Variants in ALG11 observed in about 807,000 individuals in gnomAD.
ALG11 encodes GDP-Man:Man(3)GlcNAc(2)-PP-Dol alpha-1,2-mannosyltransferase.
A neutral mutation model predicts 38.8 loss-of-function variants in ALG11; 26 were observed. That is an observed-to-expected ratio of 0.67 (90% CI 0.49 to 0.93). ALG11 has a LOEUF of 0.93. Among genes scored for constraint, ALG11 ranks in the 40% least tolerant of loss-of-function variants. The pLI is 0.00. For synonymous variants in ALG11, 199 were observed against 211.6 expected (o/e 0.94, Z 0.52); for missense variants, 535 against 578.8 (o/e 0.92, Z 0.78).
In ALG11 at chr13:52,019,097, G is replaced by A. The variant is rs1954161508; in HGVS notation, c.229G>A (p.Gly77Arg). The change falls in exon 2 of 4, where the codon GGA becomes AGA. Residue 77 changes from glycine to arginine, a missense_variant. Physicochemically the swap from Gly to Arg is moderately radical, Grantham distance 125. Coordinates refer to ENST00000521508, the MANE Select transcript of ALG11 (RefSeq NM_001004127.3). ...FFHPYCNAGG[G>R]GERVLWCALR... Reference sequence around the variant, plus strand: ...TCATCCATACTGCAATGCTGGTGGAGGAGGAGAAAGAGTTTTATGGTGTGC... The same window carrying A: ...TCATCCATACTGCAATGCTGGTGGAAGAGGAGAAAGAGTTTTATGGTGTGC... 5 of 1,614,062 alleles carry A rather than the reference G, an allele frequency of 3.1e-6. No individual in the cohort carries two copies. Among genetic ancestry groups the A allele is most frequent in the Non-Finnish European group, 4.2e-6 (5 of 1,179,978 alleles).
intron 3 of ALG11, among the ~76,000 whole-genome samples, chr13:52,026,566 C>A (rs1224402741): frequency 6.6e-6 from 1 of 152,136 alleles, no homozygotes; most frequent in Non-Finnish European, 1.5e-5. Context: ...GAGAAACATT[C>A]TGCAGTAGTA....
chr13:52,019,022 T>C lies in ALG11; in HGVS notation c.154T>C (p.Leu52=). Residue 52 remains leucine (L), a synonymous_variant, in exon 2 of 4, where the codon TTA becomes CTA. Coordinates refer to ENST00000521508, the MANE Select transcript of ALG11 (RefSeq NM_001004127.3). ...IRLLLQRKKK[L]VSTSKNGKNQ... ...ACTGCTGCTACAGAGAAAGAAAAAA[T>C]TAGTGTCAACTAGCAAAAATGGGAA... 1 of 1,613,916 alleles carries C rather than the reference T, an allele frequency of 6.2e-7. No homozygotes were observed. Among genetic ancestry groups the C allele is most frequent in the South Asian group, 1.1e-5 (1 of 91,068 alleles).
chr13:52,013,447 A>G (rs141367398), intron 1 of ALG11, among the ~76,000 whole-genome samples: 174 of 152,322 alleles, frequency 1.1e-3, no homozygotes, highest in African/African-American at 4.0e-3. Context: ...GTCATACGTA[A>G]TATTCCTCAG....
chr13:52,026,773 G>GTC (rs1479328421), intron 3 of ALG11, among the ~76,000 whole-genome samples: 1 of 152,186 alleles, frequency 6.6e-6, no homozygotes, highest in Non-Finnish European at 1.5e-5. Flanking sequence ...GTGAGGGCAT[G>GTC]CGTCCAGGAG....
At chr13:52,012,585 A>C in intron 1 of ALG11, 123 bp downstream of exon 1, 5 of 1,313,718 alleles carry the variant, frequency 3.8e-6, no homozygotes, top group Non-Finnish European at 5.4e-6. Flanking sequence ...GTAATTTCTC[A>C]GGCCAATGAG....
intron 2 of ALG11, chr13:52,020,817 G>A (rs890517448): frequency 1.3e-5 from 2 of 152,160 alleles, no homozygotes; most frequent in Admixed American, 1.3e-4. Flanking sequence ...AACACATCAT[G>A]CTCTCTCTCG....
intron 3 of ALG11, among the ~76,000 whole-genome samples, chr13:52,027,568 C>T (rs771344827): frequency 6.6e-6 from 1 of 152,106 alleles, no homozygotes; most frequent in Non-Finnish European, 1.5e-5. Context: ...TGAATCATTC[C>T]CTGAAGGGCT....
At chr13:52,026,842 A>G (rs1322453481) in intron 3 of ALG11, among the ~76,000 whole-genome samples, 1 of 152,200 alleles carries the variant, frequency 6.6e-6, no homozygotes, top group African/African-American at 2.4e-5. Flanking sequence ...ATAAAAAATG[A>G]GGATTGTCCT....
At chr13:52,019,954 A>T (rs1001366045) in intron 2 of ALG11, among the ~76,000 whole-genome samples, 1 of 152,194 alleles carries the variant, frequency 6.6e-6, no homozygotes, top group Non-Finnish European at 1.5e-5. Flanking sequence ...AAAGAAAGAA[A>T]TGGACAGTGG....
At chr13:52,013,218 A>G (rs933360284) in intron 1 of ALG11, among the ~76,000 whole-genome samples, 13 of 152,156 alleles carry the variant, frequency 8.5e-5, no homozygotes, top group African/African-American at 2.9e-4. Context: ...GGCCTAGTAT[A>G]TTCTACCTAC....
rs1441878602 is a variant in ALG11, at chr13:52,019,147, G to C, written c.275+4G>C. 4 of 1,591,284 alleles carry C rather than the reference G, an allele frequency of 2.5e-6. No homozygotes were observed. The highest frequency in any genetic ancestry group is 3.4e-6 in the Non-Finnish European group (4 of 1,163,984). On this transcript the variant is annotated splice_donor_region_variant and intron_variant, in intron 2 of 3. Transcript: ENST00000521508. ...CTTTAAGAGCCCTGCAGAAAAAGTA[G>C]GTATCCATCTTTCTTAGCTAATTTG... is the stretch of plus-strand genomic sequence containing the variant.
In ALG11 at chr13:52,033,415, A is replaced by AGAT. The variant is rs1296796613; in HGVS notation, c.*4826_*4828dup. On this transcript the variant is annotated 3_prime_UTR_variant, in exon 4 of 4. Transcript: ENST00000521508. ...TTTAGACATGATTTATATCTAATAT[A>AGAT]GATACAAAGTCTGTGTCTAAATATT... The AGAT allele has an allele frequency of 6.0e-6, 1 of 167,116 alleles. No homozygotes were observed. Among genetic ancestry groups the AGAT allele is most frequent in the African/African-American group, 2.4e-5 (1 of 41,466 alleles). 10.4% of individuals were successfully genotyped at this position (167,116 alleles called of 1,614,324 possible).
In ALG11 at chr13:52,019,105, AAG is replaced by A; in HGVS notation, c.240_241del (p.Arg80SerfsTer15). 1.2e-6 allele frequency: 2 copies of A among 1,614,104 alleles called. No homozygotes were observed. The highest frequency in any genetic ancestry group is 1.7e-6 in the Non-Finnish European group (2 of 1,179,994). ...ACTGCAATGCTGGTGGAGGAGGAGA[AAG>A]AGTTTTATGGTGTGCTTTAAGAGCC... ...PYCNAGGGGE[R>X]VLWCALRALQ... is the part of the protein sequence containing the mutation. On this transcript the variant is annotated frameshift_variant, in exon 2 of 4. Coordinates refer to ENST00000521508, the MANE Select transcript of ALG11 (RefSeq NM_001004127.3). LOFTEE classifies it high-confidence loss of function.
chr13:52,021,351 C>T (rs1753896097), intron 2 of ALG11: 2 of 152,146 alleles, frequency 1.3e-5, no homozygotes, highest in South Asian at 4.1e-4. Context: ...GCACTAGAGC[C>T]CATGTTCTGA....
At chr13:52,017,360 G>A (rs182267893) in intron 1 of ALG11, 4 of 152,322 alleles carry the variant, frequency 2.6e-5, no homozygotes, top group Admixed American at 2.6e-4. Flanking sequence ...AGGCATAATT[G>A]GTTTTGAAAT....
intron 3 of ALG11, 53 bp downstream of exon 3, chr13:52,024,990 G>A: frequency 6.5e-7 from 1 of 1,539,086 alleles, no homozygotes; most frequent in Non-Finnish European, 8.9e-7. Flanking sequence ...CACATTTTAA[G>A]TTCTTTTGAT....
Position 52,024,588 on chromosome 13 carries a change from A to G in ALG11, c.858A>G (p.Thr286=). 1 of 1,614,116 alleles carries G rather than the reference A, an allele frequency of 6.2e-7. No individual in the cohort carries two copies. The highest frequency in any genetic ancestry group is 8.5e-7 in the Non-Finnish European group (1 of 1,180,002). The change falls in exon 3 of 4, where the codon ACA becomes ACG. Residue 286 remains threonine (T), a synonymous_variant. Coordinates refer to ENST00000521508, the MANE Select transcript of ALG11 (RefSeq NM_001004127.3). ...NIVYPPCDVQ[T]FLDIPLHEKK... Reference sequence around the variant, plus strand: ...TTTATCCACCTTGTGATGTGCAGACATTTCTGGACATTCCCTTACATGAGA... The same window carrying G: ...TTTATCCACCTTGTGATGTGCAGACGTTTCTGGACATTCCCTTACATGAGA...
rs773859628 is a variant in ALG11, at chr13:52,028,691, C to T, written c.*101C>T. On this transcript the variant is annotated 3_prime_UTR_variant, in exon 4 of 4. Transcript: ENST00000521508. ...CAATCTCATTTGTCAAATCATTTTA[C>T]TTTAGAAAACAGACAAAATTTCCTT... 5.1e-6 allele frequency: 8 copies of T among 1,564,990 alleles called. No individual in the cohort carries two copies. Among genetic ancestry groups the T allele is most frequent in the Non-Finnish European group, 7.0e-6 (8 of 1,146,336 alleles).
Position 52,033,448 on chromosome 13 carries a change from G to T in ALG11, c.*4858G>T, listed in dbSNP as rs3209141. 1 of 167,042 alleles carries T rather than the reference G, an allele frequency of 6.0e-6. No individual in the cohort carries two copies. Among genetic ancestry groups the T allele is most frequent in the Admixed American group, 6.5e-5 (1 of 15,274 alleles). 10.3% of individuals were successfully genotyped at this position (167,042 alleles called of 1,614,324 possible). ...AGTCTGTGTCTAAATATTATTTAAA[G>T]AAGTGATTTTTCATTCTCTTGGATT... On this transcript the variant is annotated 3_prime_UTR_variant, in exon 4 of 4. Coordinates refer to ENST00000521508, the MANE Select transcript of ALG11 (RefSeq NM_001004127.3).
Sources: allele counts gnomAD v4.1 joint callset (sites outside exome capture counted in the v4.1 genomes callset), GRCh38; gene constraint gnomAD v4.1.1; transcripts MANE v1.5; gene names NCBI Gene and HGNC (gene_info 2026-07-23, HGNC 2026-07-21).